Variants in ASAH2 observed in about 807,000 individuals in gnomAD.
ASAH2 encodes neutral ceramidase.
In ASAH2, 58 loss-of-function variants were observed where a neutral mutation model predicts 82.9. That is an observed-to-expected ratio of 0.70 (90% CI 0.57 to 0.87). ASAH2 has a LOEUF of 0.87. ASAH2 is among the 40% of genes least tolerant of loss of function. The pLI is 0.00. For missense variants in ASAH2, 779 were observed against 834.0 expected, an observed-to-expected ratio of 0.93 and a Z score of 0.81; for synonymous variants, 276 against 289.7, an observed-to-expected ratio of 0.95 and a Z score of 0.48.
intron 1 of ASAH2, among the ~76,000 whole-genome samples, chr10:50,250,391 C>G (rs115445835): frequency 2.6e-5 from 4 of 152,152 alleles, no homozygotes; most frequent in Non-Finnish European, 5.9e-5. Context: ...TCCTCATCCA[C>G]TTATCACCAC....
At position 50,212,561 on chromosome 10, in the gene ASAH2, G is replaced by A. The variant is rs1310068055; in HGVS notation, c.1227+411C>T. On this transcript the variant is annotated intron_variant, in intron 10 of 20. Coordinates refer to ENST00000682911, the MANE Select transcript of ASAH2 (RefSeq NM_019893.4). ...GGCTCAGCTTTCTCTTGTCACCAAA[G>A]GAAAAGTTAAGAGATAGTTGGGTGA... Among the ~76,000 whole-genome samples the A allele has an allele frequency of 2.0e-5, 3 of 152,114 alleles. No individual in the cohort carries two copies. The East Asian group carries it at 5.8e-4, about 29-fold the overall frequency.
At chr10:50,246,622 A>C (rs189435061) in intron 2 of ASAH2, among the ~76,000 whole-genome samples, 1 of 152,184 alleles carries the variant, frequency 6.6e-6, no homozygotes, top group Admixed American at 6.5e-5. Flanking sequence ...GAGAAAACTG[A>C]AAGTCAGAAA....
chr10:50,236,201 C>T (rs34085509), intron 4 of ASAH2, 137 bp from the exon 5 acceptor site: 309,637 of 790,312 alleles, frequency 0.39, 66,020 homozygotes, highest in Non-Finnish European at 0.45. Context: ...CTAATAAAGA[C>T]ATACCTAAGA....
intron 13 of ASAH2, among the ~76,000 whole-genome samples, chr10:50,205,577 A>G (rs1845272403): frequency 6.6e-6 from 1 of 152,080 alleles, no homozygotes; most frequent in Non-Finnish European, 1.5e-5. Context: ...AAATTGCTTT[A>G]GTTGATAATG....
chr10:50,225,020 C>G (rs1269079346), intron 7 of ASAH2, among the ~76,000 whole-genome samples: 1 of 152,196 alleles, frequency 6.6e-6, no homozygotes, highest in Non-Finnish European at 1.5e-5. Context: ...TTTCTACCAA[C>G]TCCACCCCAG....
Position 50,187,119 on chromosome 10 carries a change from C to G in ASAH2, c.*196G>C, listed in dbSNP as rs1564829287. 2.5e-5 allele frequency: 1 copy of G among 39,698 alleles called. No homozygotes were observed. Among genetic ancestry groups the G allele is most frequent in the Non-Finnish European group, 5.5e-5 (1 of 18,258 alleles). 2.5% of individuals were successfully genotyped at this position (39,698 alleles called of 1,614,324 possible). A position where few individuals can be genotyped will look rare whatever the true frequency, so the allele number is the denominator to read the frequency against. ...TCTCTCTCTCTCTCTCTCTCTCTCT[C>G]ACACACACACACACACACACACACA... On this transcript the variant is annotated 3_prime_UTR_variant, in exon 21 of 21. Coordinates refer to ENST00000682911, the MANE Select transcript of ASAH2 (RefSeq NM_019893.4).
intron 4 of ASAH2, among the ~76,000 whole-genome samples, chr10:50,236,422 A>G (rs1339662877): frequency 6.6e-6 from 1 of 152,068 alleles, no homozygotes; most frequent in Non-Finnish European, 1.5e-5. Flanking sequence ...GAACAGCAGC[A>G]TGGGGGTACC....
intron 18 of ASAH2, among the ~76,000 whole-genome samples, chr10:50,195,903 G>C (rs1403836673): frequency 6.6e-6 from 1 of 151,780 alleles, no homozygotes. Context: ...GGGGCTAGGA[G>C]GTTAGGGGGT....
At chr10:50,223,115 G>A (rs1277341390) in intron 7 of ASAH2, among the ~76,000 whole-genome samples, 1 of 151,920 alleles carries the variant, frequency 6.6e-6, no homozygotes, top group Non-Finnish European at 1.5e-5. Flanking sequence ...CAAAATTTCT[G>A]GACTAAAATT....
chr10:50,197,142 AG>A (rs1212701141), intron 17 of ASAH2, among the ~76,000 whole-genome samples: 2 of 150,366 alleles, frequency 1.3e-5, no homozygotes, highest in Non-Finnish European at 3.0e-5. Context: ...TTTTGGTCAT[AG>A]GCAACTCTTT....
chr10:50,236,012 A>G lies in ASAH2; in HGVS notation c.563T>C (p.Val188Ala). ...KYGSLYRRDN[V>A]ILSGTHTHSG... Reference sequence around the variant, plus strand: ...ATGAGTGTGAGTGCCACTCAGGATGACATTATCTCTTCTGTACAGGGAGCC... The same window carrying G: ...ATGAGTGTGAGTGCCACTCAGGATGGCATTATCTCTTCTGTACAGGGAGCC... The change falls in exon 5 of 21, where the codon GTC becomes GCC. Residue 188 changes from valine (V) to alanine (A), a missense_variant. Val to Ala is a moderately conservative substitution (Grantham distance 64). Around this residue, in one of 3 missense-constraint regions of ASAH2, gnomAD observed 759 missense variants for 755.2 expected, o/e 1.00. Transcript: ENST00000682911. 3.1e-6 allele frequency: 5 copies of G among 1,613,336 alleles called. No individual in the cohort carries two copies. The highest frequency in any genetic ancestry group is 3.4e-6 in the Non-Finnish European group (4 of 1,179,414).
intron 7 of ASAH2, among the ~76,000 whole-genome samples, chr10:50,219,729 ATC>A (rs1329682811): frequency 6.6e-6 from 1 of 152,264 alleles, no homozygotes; most frequent in Non-Finnish European, 1.5e-5. Context: ...TCTTTCAAGC[ATC>A]AGTTCTTATT....
chr10:50,218,431 G>A (rs1229128917), intron 8 of ASAH2, 79 bp downstream of exon 8: 1 of 1,591,096 alleles, frequency 6.3e-7, no homozygotes, highest in South Asian at 1.1e-5. Context: ...CTGGAGATTT[G>A]AATCACCTCT....
intron 18 of ASAH2, among the ~76,000 whole-genome samples, chr10:50,195,340 C>A (rs1323712958): frequency 4.0e-5 from 6 of 150,400 alleles, no homozygotes; most frequent in African/African-American, 7.3e-5. Context: ...AAAACTACAA[C>A]AAGATATCAC....
intron 9 of ASAH2, among the ~76,000 whole-genome samples, chr10:50,213,795 T>C (rs1845525877): frequency 6.6e-6 from 1 of 152,098 alleles, no homozygotes; most frequent in Admixed American, 6.6e-5. Flanking sequence ...TTTAATATAT[T>C]AGGAGCTTTA....
At chr10:50,229,072 T>C (rs1182761898) in intron 7 of ASAH2, among the ~76,000 whole-genome samples, 1 of 152,196 alleles carries the variant, frequency 6.6e-6, no homozygotes, top group Non-Finnish European at 1.5e-5. Context: ...ACTCAGATTA[T>C]CTGCACTTGT....
intron 5 of ASAH2, among the ~76,000 whole-genome samples, chr10:50,235,597 G>A (rs1039854829): frequency 4.6e-5 from 7 of 152,094 alleles, no homozygotes; most frequent in Non-Finnish European, 1.0e-4. Flanking sequence ...AACAGGCCAT[G>A]TAGTGCCCTC....
chr10:50,216,162 T>TG (rs1408105223), intron 8 of ASAH2, among the ~76,000 whole-genome samples: 4 of 26,060 alleles, frequency 1.5e-4, no homozygotes, highest in African/African-American at 6.2e-4. Context: ...TGTCAGGGGG[T>TG]GGGGGGCTGG....
At position 50,245,338 on chromosome 10, in the gene ASAH2, T is replaced by A. The variant is rs766393311; in HGVS notation, c.244A>T (p.Thr82Ser). The A allele has an allele frequency of 2.5e-6, 4 of 1,613,916 alleles. No individual in the cohort carries two copies. In the South Asian group the frequency reaches 4.4e-5, roughly 18 times the overall value. ...GTTAAAGGCACTGGAGAAGTTTGAG[T>A]GGCTGTGGAGCTCTGGGTGGCTGTG... is the stretch of plus-strand genomic sequence containing the variant. ...HSTATQSSTA[T>S]QTSPVPLTPE... The change falls in exon 3 of 21, where the codon ACT (threonine) becomes TCT (serine). Residue 82 changes from threonine (T) to serine (S), a missense_variant. Around this residue, in one of 3 missense-constraint regions of ASAH2, gnomAD observed 759 missense variants for 755.2 expected, o/e 1.00. Coordinates refer to ENST00000682911, the MANE Select transcript of ASAH2 (RefSeq NM_019893.4).
Sources: allele counts gnomAD v4.1 joint callset (sites outside exome capture counted in the v4.1 genomes callset), GRCh38; gene constraint gnomAD v4.1.1; regional missense constraint gnomAD v4.1.1; transcripts MANE v1.5; gene names NCBI Gene and HGNC (gene_info 2026-07-23, HGNC 2026-07-21).